The following DPP10 variants were observed in gnomAD, a reference collection of about 807,000 sequenced individuals.
DPP10 encodes the protein inactive dipeptidyl peptidase 10.
A neutral mutation model predicts 120.9 loss-of-function variants in DPP10; 33 were observed. The ratio of observed to expected loss-of-function variants is 0.27; its 90% CI spans 0.21 to 0.37. The LOEUF is 0.37. Among genes scored for constraint, DPP10 ranks in the 10% least tolerant of loss-of-function variants. The pLI, the probability that DPP10 is intolerant of heterozygous loss-of-function variation, is 1.00. For synonymous variants in DPP10, 337 were observed against 326.1 expected (o/e 1.03, Z -0.36); for missense variants, 816 against 942.8 (o/e 0.87, Z 1.76).
At chr2:114,549,838 G>T (rs1202569505) in intron 1 of DPP10, among the ~76,000 whole-genome samples, 1 of 152,204 alleles carries the variant, frequency 6.6e-6, no homozygotes, top group East Asian at 1.9e-4. Flanking sequence ...AGAGCTGGAG[G>T]GGGTGTAAGA....
At chr2:115,693,926 A>G (rs1170345081) in intron 7 of DPP10, among the ~76,000 whole-genome samples, 1 of 152,144 alleles carries the variant, frequency 6.6e-6, no homozygotes, top group African/African-American at 2.4e-5. Flanking sequence ...GGCCTATAAT[A>G]AGTATTTTGT....
At chr2:114,886,549 G>A (rs1692087213) in intron 1 of DPP10, among the ~76,000 whole-genome samples, 1 of 152,150 alleles carries the variant, frequency 6.6e-6, no homozygotes, top group African/African-American at 2.4e-5. Flanking sequence ...TGGTATTTGG[G>A]GGTGGAAAGG....
chr2:115,817,501 G>A (rs895645703), intron 21 of DPP10, among the ~76,000 whole-genome samples: 3 of 152,078 alleles, frequency 2.0e-5, no homozygotes, highest in South Asian at 2.1e-4. Context: ...TGCAAATCAC[G>A]ACCATCCTCT....
intron 1 of DPP10, among the ~76,000 whole-genome samples, chr2:115,181,829 A>T (rs911675551): frequency 2.0e-5 from 3 of 152,218 alleles, no homozygotes; most frequent in African/African-American, 7.2e-5. Flanking sequence ...GGATACAGAC[A>T]TTCACTATAA....
At chr2:114,889,384 A>C (rs1235171478) in intron 1 of DPP10, among the ~76,000 whole-genome samples, 1 of 152,036 alleles carries the variant, frequency 6.6e-6, no homozygotes, top group African/African-American at 2.4e-5. Flanking sequence ...ACAAATTTTG[A>C]AATTTTATAC....
chr2:115,401,931 T>C (rs1233933399), intron 3 of DPP10, among the ~76,000 whole-genome samples: 1 of 152,084 alleles, frequency 6.6e-6, no homozygotes, highest in Non-Finnish European at 1.5e-5. Flanking sequence ...CTATAAATAT[T>C]TTCAAAATAT....
intron 1 of DPP10, among the ~76,000 whole-genome samples, chr2:115,149,998 A>C (rs915142261): frequency 1.3e-5 from 2 of 152,304 alleles, no homozygotes; most frequent in South Asian, 2.1e-4. Context: ...CTGTGAGGGA[A>C]TAAAAGAGTG....
At chr2:115,565,175 A>G (rs568979173) in intron 5 of DPP10, among the ~76,000 whole-genome samples, 1 of 152,212 alleles carries the variant, frequency 6.6e-6, no homozygotes, top group Admixed American at 6.5e-5. Context: ...GTCCCTGAAG[A>G]TAATTTACAT....
chr2:114,504,108 A>C (rs936064604), intron 1 of DPP10, among the ~76,000 whole-genome samples: 4 of 152,188 alleles, frequency 2.6e-5, no homozygotes, highest in Non-Finnish European at 5.9e-5. Flanking sequence ...TCTATAACTT[A>C]GGACTGGTGT....
chr2:115,029,624 G>A (rs1436417482), intron 1 of DPP10, among the ~76,000 whole-genome samples: 1 of 151,528 alleles, frequency 6.6e-6, no homozygotes, highest in Non-Finnish European at 1.5e-5. Flanking sequence ...TTTTCTTTCA[G>A]TGTTGGTTCT....
intron 3 of DPP10, among the ~76,000 whole-genome samples, chr2:115,457,942 A>G (rs1284977106): frequency 2.0e-5 from 3 of 152,146 alleles, no homozygotes; most frequent in Non-Finnish European, 4.4e-5. Context: ...ATAAAAATGT[A>G]TATATATACA....
At chr2:114,837,685 C>G (rs1314027483) in intron 1 of DPP10, among the ~76,000 whole-genome samples, 1 of 152,190 alleles carries the variant, frequency 6.6e-6, no homozygotes, top group Non-Finnish European at 1.5e-5. Flanking sequence ...TAGTAACAAA[C>G]AAGCCCCTAA....
intron 1 of DPP10, chr2:114,461,666 G>A (rs910717296): frequency 1.2e-5 from 12 of 985,312 alleles, no homozygotes; most frequent in Non-Finnish European, 1.3e-5. Flanking sequence ...CCTGCTCTTC[G>A]GAGACAAATA....
chr2:114,602,149 G>C (rs1692423404), intron 1 of DPP10, among the ~76,000 whole-genome samples: 1 of 151,640 alleles, frequency 6.6e-6, no homozygotes, highest in Non-Finnish European at 1.5e-5. Flanking sequence ...TTTTGTGGCA[G>C]TTAATACACA....
intron 1 of DPP10, among the ~76,000 whole-genome samples, chr2:114,867,269 T>C (rs1175904819): frequency 6.6e-6 from 1 of 152,194 alleles, no homozygotes; most frequent in East Asian, 1.9e-4. Context: ...CCTCACCTTT[T>C]GAGCATCTTA....
chr2:114,797,194 C>T (rs1683791513), intron 1 of DPP10, among the ~76,000 whole-genome samples: 1 of 152,160 alleles, frequency 6.6e-6, no homozygotes, highest in Non-Finnish European at 1.5e-5. Flanking sequence ...GAGTCTCCAT[C>T]CTATGTCCAG....
intron 1 of DPP10, among the ~76,000 whole-genome samples, chr2:114,730,580 T>C (rs929318684): frequency 5.9e-5 from 9 of 152,064 alleles, no homozygotes; most frequent in African/African-American, 1.7e-4. Context: ...TTTTGTTTTT[T>C]TGTTTGGTTC....
At chr2:115,431,587 G>T (rs1043782991) in intron 3 of DPP10, among the ~76,000 whole-genome samples, 2 of 152,078 alleles carry the variant, frequency 1.3e-5, no homozygotes, top group Non-Finnish European at 1.5e-5. Flanking sequence ...AGAGCTTTAG[G>T]AATGAGAATC....
At chr2:114,982,695 G>A (rs371438303) in intron 1 of DPP10, among the ~76,000 whole-genome samples, 11 of 151,482 alleles carry the variant, frequency 7.3e-5, no homozygotes, top group African/African-American at 2.7e-4. Context: ...CTACGTCCCA[G>A]GCTCAATCCA....
Sources: allele counts gnomAD v4.1 joint callset (sites outside exome capture counted in the v4.1 genomes callset), GRCh38; gene constraint gnomAD v4.1.1; transcripts MANE v1.5; gene names NCBI Gene and HGNC (gene_info 2026-07-23, HGNC 2026-07-21).